Variants in ADK observed in about 807,000 individuals in gnomAD.
The protein encoded by ADK is N6,N6-dimethyladenosine kinase.
ADK carries 24 observed loss-of-function variants against 44.7 expected under a neutral mutation model. The observed-to-expected ratio is 0.54, with a 90% CI of 0.39 to 0.76. The LOEUF (loss-of-function observed/expected upper bound fraction) is 0.76, where lower values mean the gene tolerates loss of function less well. Ranked by LOEUF, ADK falls within the 30% of genes least tolerant of loss-of-function variation. The pLI is 0.00. For synonymous variants in ADK, 128 were observed against 142.6 expected (o/e 0.90, Z 0.73); for missense variants, 321 against 425.1 (o/e 0.76, Z 2.15).
At chr10:74,407,528 C>G (rs1246007701) in intron 6 of ADK, among the ~76,000 whole-genome samples, 5 of 152,066 alleles carry the variant, frequency 3.3e-5, no homozygotes, top group Non-Finnish European at 7.4e-5. Flanking sequence ...ATTGGTTTTT[C>G]CTGATTACCT....
intron 4 of ADK, among the ~76,000 whole-genome samples, chr10:74,384,916 T>C (rs1032023923): frequency 6.6e-6 from 1 of 152,144 alleles, no homozygotes; most frequent in African/African-American, 2.4e-5. Context: ...TGGGTAACGA[T>C]TGAAGGACAT....
intron 9 of ADK, among the ~76,000 whole-genome samples, chr10:74,606,571 C>G (rs1315675718): frequency 6.6e-6 from 1 of 152,130 alleles, no homozygotes; most frequent in East Asian, 1.9e-4. Flanking sequence ...GTCCTGAGTT[C>G]TAATGTGATT....
chr10:74,611,037 GTTTGT>G (rs1416952433), intron 9 of ADK, among the ~76,000 whole-genome samples: 1 of 151,802 alleles, frequency 6.6e-6, no homozygotes, highest in Non-Finnish European at 1.5e-5. Context: ...TTTCTGTTTC[GTTTGT>G]TTTAAGACCA....
chr10:74,210,706 A>G (rs1843781867), intron 2 of ADK, among the ~76,000 whole-genome samples: 1 of 152,220 alleles, frequency 6.6e-6, no homozygotes, highest in African/African-American at 2.4e-5. Context: ...CAGTGCCAAT[A>G]ATTTACAACT....
Position 74,398,593 on chromosome 10 carries a change from T to C in ADK, c.555+14T>C. The C allele has an allele frequency of 6.9e-7, 1 of 1,449,876 alleles. No homozygotes were observed. The highest frequency in any genetic ancestry group is 9.7e-7 in the Non-Finnish European group (1 of 1,034,366). 89.8% of individuals were successfully genotyped at this position (1,449,876 alleles called of 1,614,324 possible). A position where few individuals can be genotyped will look rare whatever the true frequency, so the allele number is the denominator to read the frequency against. On this transcript the variant is annotated intron_variant, in intron 6 of 10. Coordinates refer to ENST00000539909, the MANE Select transcript of ADK (RefSeq NM_006721.4). ...TGTTATATAGCAGTAAGTACTTACC[T>C]AATTCAAATCTCTAGTACATATTTA...
intron 6 of ADK, among the ~76,000 whole-genome samples, chr10:74,440,734 C>T (rs189768585): frequency 6.0e-4 from 91 of 152,208 alleles, no homozygotes; most frequent in South Asian, 2.1e-4. Context: ...CCTACCAATT[C>T]AGCGCATAAT....
In ADK at chr10:74,394,199, A is replaced by G; in HGVS notation, c.332A>G (p.Lys111Arg). ...ATFFGCIGID[K>R]FGEILKRKAA... is the part of the protein sequence containing the mutation. ...TTTTTTGGATGCATTGGGATAGATA[A>G]ATTTGGGGAGATCCTGAAGAGAAAA... Residue 111 changes from lysine (K) to arginine (R), a missense_variant, in exon 5 of 11, where the codon AAA becomes AGA. Coordinates refer to ENST00000539909, the MANE Select transcript of ADK (RefSeq NM_006721.4). The G allele has an allele frequency of 6.2e-7, 1 of 1,614,036 alleles. No homozygotes were observed. The highest frequency in any genetic ancestry group is 8.5e-7 in the Non-Finnish European group (1 of 1,179,960).
intron 6 of ADK, among the ~76,000 whole-genome samples, chr10:74,460,480 A>G (rs555635131): frequency 6.6e-6 from 1 of 152,330 alleles, no homozygotes; most frequent in East Asian, 1.9e-4. Context: ...TGAATATAAA[A>G]AGATTGTCAT....
intron 4 of ADK, among the ~76,000 whole-genome samples, chr10:74,356,521 A>C (rs985166028): frequency 6.6e-6 from 1 of 152,182 alleles, no homozygotes; most frequent in Non-Finnish European, 1.5e-5. Flanking sequence ...GGATTATTTT[A>C]TAAAATACCC....
chr10:74,169,757 G>T (rs931085580), intron 1 of ADK, among the ~76,000 whole-genome samples: 2 of 152,160 alleles, frequency 1.3e-5, no homozygotes, highest in Admixed American at 6.5e-5. Context: ...GAATAAACTT[G>T]TCCATAATGA....
In ADK at chr10:74,398,416, A is replaced by C. The variant is rs1843591549; in HGVS notation, c.447-55A>C. ...AAAAAATATTGGTAATTATCTATTG[A>C]AACATATGCTAAGTTTGACTATAAT... On this transcript the variant is annotated intron_variant, in intron 5 of 10. Transcript: ENST00000539909. 2.5e-6 allele frequency: 3 copies of C among 1,209,440 alleles called. No individual in the cohort carries two copies. In the Admixed American group the frequency reaches 5.4e-5, roughly 22 times the overall value. 74.9% of individuals were successfully genotyped at this position (1,209,440 alleles called of 1,614,324 possible).
intron 9 of ADK, among the ~76,000 whole-genome samples, chr10:74,638,242 G>A (rs538866738): frequency 1.3e-5 from 2 of 152,146 alleles, no homozygotes; most frequent in South Asian, 4.1e-4. Context: ...TGGACTGAAT[G>A]TTAAAGTGGG....
At chr10:74,287,477 A>T (rs1416851778) in intron 3 of ADK, among the ~76,000 whole-genome samples, 1 of 151,966 alleles carries the variant, frequency 6.6e-6, no homozygotes, top group East Asian at 1.9e-4. Flanking sequence ...AAAAAAAAAA[A>T]ATCTCTTGGA....
At chr10:74,543,218 A>C (rs1033740829) in intron 7 of ADK, among the ~76,000 whole-genome samples, 51 of 151,820 alleles carry the variant, frequency 3.4e-4, no homozygotes, top group African/African-American at 1.2e-3. Context: ...TTAAAAAAAA[A>C]AAAAAAACTG....
intron 6 of ADK, among the ~76,000 whole-genome samples, chr10:74,476,486 C>G (rs540574351): frequency 6.6e-6 from 1 of 150,826 alleles, no homozygotes; most frequent in South Asian, 2.1e-4. Flanking sequence ...GAGCAAAACT[C>G]CATCTCAAAA....
intron 6 of ADK, among the ~76,000 whole-genome samples, chr10:74,464,668 A>C (rs1188023105): frequency 6.6e-6 from 1 of 152,092 alleles, no homozygotes; most frequent in Non-Finnish European, 1.5e-5. Flanking sequence ...AAACTTTTTA[A>C]TTATTTTTAT....
intron 6 of ADK, among the ~76,000 whole-genome samples, chr10:74,513,925 A>G (rs1257205144): frequency 1.3e-5 from 2 of 152,046 alleles, no homozygotes; most frequent in Non-Finnish European, 2.9e-5. Flanking sequence ...AGTTTCACAT[A>G]TTTTCATGAT....
intron 4 of ADK, among the ~76,000 whole-genome samples, chr10:74,341,324 GC>G (rs372442839): frequency 2.6e-5 from 4 of 151,756 alleles, no homozygotes; most frequent in African/African-American, 9.7e-5. Flanking sequence ...TTTGAGACCA[GC>G]CTGGCCAACA....
intron 7 of ADK, among the ~76,000 whole-genome samples, chr10:74,572,231 T>A (rs1020155152): frequency 6.6e-6 from 1 of 152,232 alleles, no homozygotes; most frequent in African/African-American, 2.4e-5. Context: ...TTTGCTTGTC[T>A]GTAAAGTATT....
Sources: allele counts gnomAD v4.1 joint callset (sites outside exome capture counted in the v4.1 genomes callset), GRCh38; gene constraint gnomAD v4.1.1; transcripts MANE v1.5; gene names NCBI Gene and HGNC (gene_info 2026-07-23, HGNC 2026-07-21).